SUN1: variants seen among roughly 807,000 people sequenced by gnomAD.
The protein encoded by SUN1 is Sad1 and UNC84 domain containing 1, also known as SUN domain-containing protein 1.
In SUN1, 61 loss-of-function variants were observed where a neutral mutation model predicts 103.2. The observed-to-expected ratio is 0.59, with a 90% CI of 0.48 to 0.73. The LOEUF is 0.73. Ranked by LOEUF, SUN1 falls within the 30% of genes least tolerant of loss-of-function variation. The pLI is 0.00. For synonymous variants in SUN1, 490 were observed against 425.7 expected, an observed-to-expected ratio of 1.15 and a Z score of -1.86; for missense variants, 1,052 against 1,034.6, an observed-to-expected ratio of 1.02 and a Z score of -0.23.
At chr7:838,099 C>G (rs1385283573) in intron 1 of SUN1, among the ~76,000 whole-genome samples, 1 of 152,248 alleles carries the variant, frequency 6.6e-6, no homozygotes, top group Non-Finnish European at 1.5e-5. Flanking sequence ...GTTGCCCAGG[C>G]TGAAGTGCAG....
chr7:860,237 G>A lies in SUN1; in HGVS notation c.1634G>A (p.Gly545Asp). The change falls in exon 14 of 19, where the codon GGC becomes GAC. Residue 545 changes from glycine (G) to aspartate (D), a missense_variant. Transcript: ENST00000401592. ...TTCTCATCACAGTTTGTGAGCAAAG[G>A]CGACTTGCAGACGATGCTGCGAGAC... Reference protein sequence around the residue: ...QRFSSQFVSKGDLQTMLRDLQ... With the variant: ...QRFSSQFVSKDDLQTMLRDLQ... 1 of 1,614,258 alleles carries A rather than the reference G, an allele frequency of 6.2e-7. No individual in the cohort carries two copies. Among genetic ancestry groups the A allele is most frequent in the Non-Finnish European group, 8.5e-7 (1 of 1,180,046 alleles).
chr7:836,089 C>T (rs1324235206), intron 1 of SUN1, among the ~76,000 whole-genome samples: 1 of 152,240 alleles, frequency 6.6e-6, no homozygotes, highest in Non-Finnish European at 1.5e-5. Context: ...GCGCTGCAAC[C>T]TGTCGGCTGC....
chr7:872,067 C>T (rs1026783902), intron 17 of SUN1, among the ~76,000 whole-genome samples: 1 of 152,228 alleles, frequency 6.6e-6, no homozygotes, highest in African/African-American at 2.4e-5. Flanking sequence ...TCTTCTGTGG[C>T]CCCTCCTCCT....
chr7:819,233 A>G (rs1783772921), intron 1 of SUN1, among the ~76,000 whole-genome samples: 1 of 136,096 alleles, frequency 7.3e-6, no homozygotes, highest in Non-Finnish European at 1.6e-5. Flanking sequence ...TTTATTCTGT[A>G]TACTAGACCC....
chr7:855,370 AC>A (rs2128417790), intron 11 of SUN1, among the ~76,000 whole-genome samples: 1 of 152,202 alleles, frequency 6.6e-6, no homozygotes, highest in South Asian at 2.1e-4. Context: ...GGGATAAAGG[AC>A]CTGAACCTTT....
intron 16 of SUN1, among the ~76,000 whole-genome samples, chr7:868,063 TGGG>T (rs1838456496): frequency 6.6e-6 from 1 of 152,110 alleles, no homozygotes; most frequent in Non-Finnish European, 1.5e-5. Context: ...GAAGACGGCT[TGGG>T]GGCTGAGGGG....
intron 15 of SUN1, among the ~76,000 whole-genome samples, chr7:861,724 T>C (rs979878270): frequency 6.6e-6 from 1 of 152,166 alleles, no homozygotes; most frequent in African/African-American, 2.4e-5. Flanking sequence ...ACAGAAAGTG[T>C]GCTCGACTGT....
At chr7:822,796 G>C (rs1436681614) in intron 1 of SUN1, among the ~76,000 whole-genome samples, 1 of 152,232 alleles carries the variant, frequency 6.6e-6, no homozygotes, top group Non-Finnish European at 1.5e-5. Context: ...GTTCCGGTTA[G>C]ACGAGGAAGC....
chr7:845,216 T>C (rs573804101), intron 5 of SUN1, among the ~76,000 whole-genome samples: 2 of 152,264 alleles, frequency 1.3e-5, no homozygotes, highest in African/African-American at 4.8e-5. Context: ...AGCCTTGCGT[T>C]TGAGTGTATC....
In SUN1 at chr7:874,347, A is replaced by G. The variant is rs912545588; in HGVS notation, c.*1016A>G. The G allele has an allele frequency of 1.3e-5, 2 of 152,632 alleles. No individual in the cohort carries two copies. Among genetic ancestry groups the G allele is most frequent in the Admixed American group, 6.5e-5 (1 of 15,280 alleles). The allele number at this position is 152,632 out of a possible 1,614,324, so 9.5% of individuals were successfully genotyped here. ...GATTCTTGTGAGACTCTTTTTGGTTATAATTACTATTTAATATTTAGACTA... is the reference window on the plus strand; with the variant it reads ...GATTCTTGTGAGACTCTTTTTGGTTGTAATTACTATTTAATATTTAGACTA... On this transcript the variant is annotated 3_prime_UTR_variant, in exon 19 of 19. Coordinates refer to ENST00000401592, the MANE Select transcript of SUN1 (RefSeq NM_001130965.3).
At chr7:831,082 G>A, upstream of SUN1, 1 of 890,500 alleles carries the variant, frequency 1.1e-6, no homozygotes, top group African/African-American at 1.8e-5. Context: ...GTAGACAGGT[G>A]GGAGAGAGAC....
chr7:827,833 T>C (rs747842521), upstream of SUN1, among the ~76,000 whole-genome samples: 4 of 152,174 alleles, frequency 2.6e-5, no homozygotes, highest in Non-Finnish European at 5.9e-5. Flanking sequence ...GTCTACCATA[T>C]AATATAAATT....
At chr7:829,196 T>C (rs1227620495), upstream of SUN1, among the ~76,000 whole-genome samples, 2 of 152,242 alleles carry the variant, frequency 1.3e-5, no homozygotes, top group East Asian at 1.9e-4. Context: ...ACTGATCAGA[T>C]TATAAATGCA....
intron 12 of SUN1, 28 bp from the exon 13 acceptor site, chr7:857,800 G>A (rs771852167): frequency 1.3e-6 from 2 of 1,552,642 alleles, no homozygotes; most frequent in East Asian, 2.3e-5. Flanking sequence ...AGGCTTGTGT[G>A]TGACCCATTC....
At chr7:843,072 A>G (rs1811716359) in intron 3 of SUN1, 134 bp from the exon 4 acceptor site, 6 of 1,308,166 alleles carry the variant, frequency 4.6e-6, no homozygotes, top group Non-Finnish European at 6.5e-6. Context: ...ATTTTAGGAA[A>G]TAAACTGTGA....
intron 17 of SUN1, among the ~76,000 whole-genome samples, chr7:870,887 C>CTTTTTTTTTTTTTTTT (rs59711259): frequency 4.0e-5 from 4 of 101,078 alleles, no homozygotes; most frequent in Admixed American, 2.2e-4. Flanking sequence ...TATTTTCTTT[C>CTTTTTTTTTTTTTTTT]TTTTTTTTTT....
At chr7:849,631 C>G (rs745368428) in intron 5 of SUN1, 1 of 1,516,962 alleles carries the variant, frequency 6.6e-7, no homozygotes, top group Admixed American at 1.8e-5. Flanking sequence ...TTCCTGTGGG[C>G]GTCGGTCGTG....
intron 5 of SUN1, among the ~76,000 whole-genome samples, chr7:846,297 C>T (rs944415531): frequency 9.2e-5 from 14 of 151,978 alleles, no homozygotes; most frequent in Admixed American, 2.6e-4. Flanking sequence ...TTCGTAGAGA[C>T]GGGGTTCCAC....
In SUN1 at chr7:832,545, C is replaced by T; in HGVS notation, c.21C>T (p.His7=). The T allele has an allele frequency of 6.2e-7, 1 of 1,613,464 alleles. No individual in the cohort carries two copies. The highest frequency in any genetic ancestry group is 8.5e-7 in the Non-Finnish European group (1 of 1,179,670). Residue 7 remains histidine (H), a synonymous_variant, in exon 1 of 19, where the codon CAC becomes CAT. Transcript: ENST00000401592. ...TGAACATGGATTTTTCTCGGCTTCA[C>T]ATGTACAGTCCTCCCCAGTGTGTGC... MDFSRL[H]MYSPPQCVPE... is the part of the protein sequence containing the mutation.
Sources: gnomAD v4.1 joint callset for allele counts (sites outside exome capture counted in the v4.1 genomes callset) on GRCh38, gnomAD v4.1.1 for gene constraint, MANE v1.5 for transcripts, NCBI Gene and HGNC (gene_info 2026-07-23, HGNC 2026-07-21) for gene names.